The following EYS variants were observed in gnomAD, a reference collection of about 807,000 sequenced individuals.
The protein encoded by EYS is protein eyes shut homolog.
EYS carries 250 observed loss-of-function variants against 282.1 expected under a neutral mutation model. The observed-to-expected ratio is 0.89, with a 90% CI of 0.80 to 0.98. The LOEUF is 0.98. Among genes scored for constraint, EYS ranks in the 50% least tolerant of loss-of-function variants. The pLI is 0.00. For synonymous variants in EYS, 1,355 were observed against 1,282.9 expected, an observed-to-expected ratio of 1.06 and a Z score of -1.20; for missense variants, 4,016 against 3,709.0, an observed-to-expected ratio of 1.08 and a Z score of -2.15.
At chr6:64,344,417 A>G (rs1771281295) in intron 29 of EYS, among the ~76,000 whole-genome samples, 1 of 152,062 alleles carries the variant, frequency 6.6e-6, no homozygotes, top group Non-Finnish European at 1.5e-5. Context: ...GAAAATCAAT[A>G]AACGTAATCC....
At chr6:65,273,351 C>T (rs749472886) in intron 12 of EYS, among the ~76,000 whole-genome samples, 84 of 152,234 alleles carry the variant, frequency 5.5e-4, no homozygotes, top group Non-Finnish European at 1.0e-3. Context: ...CAGTGTAACT[C>T]TGCATTAAGG....
rs1003723759 is a variant in EYS, at chr6:64,548,855, A to G, written c.5644+41368T>C. Among the ~76,000 whole-genome samples, 31 of 151,868 alleles carry G rather than the reference A, an allele frequency of 2.0e-4. No homozygotes were observed. In the East Asian group the frequency reaches 5.2e-3, roughly 26 times the overall value. The stretch of plus-strand genomic sequence containing the variant: ...AAAAAAAAAGAAAGAATAGCTGCTA[A>G]GGCAGAGTAAGAGGAGAAACATCTG... On this transcript the variant is annotated intron_variant, in intron 26 of 42. Coordinates refer to ENST00000503581, the MANE Select transcript of EYS (RefSeq NM_001142800.2).
At chr6:64,156,450 G>GGTACTAGAA (rs1774926283) in intron 31 of EYS, among the ~76,000 whole-genome samples, 3 of 152,122 alleles carry the variant, frequency 2.0e-5, no homozygotes, top group Admixed American at 6.5e-5. Flanking sequence ...ACAGTAAATT[G>GGTACTAGAA]GTACTAGAAG....
chr6:65,349,609 A>G (rs966968832), intron 9 of EYS, among the ~76,000 whole-genome samples: 4 of 151,504 alleles, frequency 2.6e-5, no homozygotes, highest in Non-Finnish European at 4.4e-5. Context: ...ACATTGCAGA[A>G]TGACCAAATC....
intron 36 of EYS, among the ~76,000 whole-genome samples, chr6:63,832,014 C>G (rs1361631147): frequency 1.3e-5 from 2 of 151,992 alleles, no homozygotes; most frequent in Non-Finnish European, 2.9e-5. Context: ...TTCTTTGAAA[C>G]CAACGAGAAC....
chr6:64,865,967 A>T (rs2150051213), intron 19 of EYS, among the ~76,000 whole-genome samples: 1 of 152,168 alleles, frequency 6.6e-6, no homozygotes, highest in East Asian at 1.9e-4. Flanking sequence ...GTGGAACAGA[A>T]ATCAGAAATT....
intron 11 of EYS, among the ~76,000 whole-genome samples, chr6:65,302,232 G>A (rs1315359538): frequency 6.6e-6 from 1 of 152,216 alleles, no homozygotes; most frequent in African/African-American, 2.4e-5. Flanking sequence ...TTGTGGCTGA[G>A]AGGTTTTCTT....
chr6:64,907,527 C>T (rs960740623), intron 16 of EYS, among the ~76,000 whole-genome samples: 1 of 152,064 alleles, frequency 6.6e-6, no homozygotes, highest in Admixed American at 6.6e-5. Flanking sequence ...TATTGGTAAC[C>T]CAGCTGAGAG....
chr6:64,676,878 T>C (rs1271207971), intron 22 of EYS, among the ~76,000 whole-genome samples: 2 of 152,144 alleles, frequency 1.3e-5, no homozygotes, highest in Non-Finnish European at 2.9e-5. Context: ...CTCCGAAAGG[T>C]CCCACCTCTT....
intron 19 of EYS, among the ~76,000 whole-genome samples, chr6:64,872,961 G>C (rs1766638949): frequency 6.6e-6 from 1 of 151,958 alleles, no homozygotes; most frequent in Non-Finnish European, 1.5e-5. Context: ...AGTGGGAACT[G>C]TTATGAAAAA....
At chr6:64,506,695 G>A (rs1777218225) in intron 26 of EYS, among the ~76,000 whole-genome samples, 1 of 151,960 alleles carries the variant, frequency 6.6e-6, no homozygotes. Context: ...GGCGTATCAC[G>A]AGGTCAGGAG....
chr6:63,918,941 G>A (rs970332748), intron 35 of EYS, among the ~76,000 whole-genome samples: 11 of 152,134 alleles, frequency 7.2e-5, no homozygotes, highest in African/African-American at 2.4e-4. Flanking sequence ...CAATACATTT[G>A]CAAGAATTTG....
At chr6:64,717,046 T>C (rs1771423273) in intron 22 of EYS, among the ~76,000 whole-genome samples, 1 of 152,158 alleles carries the variant, frequency 6.6e-6, no homozygotes. Flanking sequence ...AGTTTTCCAG[T>C]AATGTTTGAT....
chr6:64,190,009 A>T (rs941522979), intron 31 of EYS, among the ~76,000 whole-genome samples: 2 of 152,194 alleles, frequency 1.3e-5, no homozygotes, highest in African/African-American at 4.8e-5. Context: ...ATTCTATGTA[A>T]TTAATATTTA....
chr6:65,603,564 T>C (rs16896904), intron 2 of EYS, among the ~76,000 whole-genome samples: 1,864 of 152,066 alleles, frequency 0.012, 33 homozygotes, highest in African/African-American at 0.034. Context: ...ATGAAAATAA[T>C]AGAAGCTTAA....
At chr6:65,560,228 T>A (rs1046089873) in intron 2 of EYS, among the ~76,000 whole-genome samples, 6 of 145,876 alleles carry the variant, frequency 4.1e-5, no homozygotes, top group Non-Finnish European at 7.5e-5. Context: ...AATATAATTA[T>A]AATATATTAT....
chr6:64,364,270 T>C (rs1420051903), intron 29 of EYS, among the ~76,000 whole-genome samples: 6 of 151,928 alleles, frequency 3.9e-5, no homozygotes, highest in Non-Finnish European at 8.8e-5. Context: ...TCTTAGTAGC[T>C]GTGTAAACTT....
intron 34 of EYS, among the ~76,000 whole-genome samples, chr6:63,986,453 C>T (rs1376513811): frequency 1.3e-5 from 2 of 151,702 alleles, no homozygotes; most frequent in Non-Finnish European, 2.9e-5. Context: ...AGTCATTCTA[C>T]CATAAAGACA....
intron 33 of EYS, among the ~76,000 whole-genome samples, chr6:64,024,070 C>T (rs1241585462): frequency 6.6e-6 from 1 of 152,218 alleles, no homozygotes; most frequent in East Asian, 1.9e-4. Flanking sequence ...GTGCCACCCC[C>T]TGCTCCACAG....
Sources: gnomAD v4.1 joint callset for allele counts (sites outside exome capture counted in the v4.1 genomes callset) on GRCh38, gnomAD v4.1.1 for gene constraint, MANE v1.5 for transcripts, NCBI Gene and HGNC (gene_info 2026-07-23, HGNC 2026-07-21) for gene names.